INPP4A: variants seen among roughly 807,000 people sequenced by gnomAD.
INPP4A encodes the protein inositol polyphosphate-4-phosphatase type I A, also known as inositol polyphosphate-4-phosphatase, type I, 107kD.
In INPP4A, 33 loss-of-function variants were observed where a neutral mutation model predicts 119.8. That is an observed-to-expected ratio of 0.28 (90% CI 0.21 to 0.37). The LOEUF (loss-of-function observed/expected upper bound fraction) is 0.37, where lower values mean the gene tolerates loss of function less well. Ranked by LOEUF, INPP4A falls within the 10% of genes least tolerant of loss-of-function variation. The probability of loss-of-function intolerance (pLI) is 1.00; values close to 1 mark genes in which losing one functional copy is unlikely to be tolerated. For missense variants in INPP4A, 956 were observed against 1,289.9 expected (o/e 0.74, Z 3.97); for synonymous variants, 496 against 500.7 (o/e 0.99, Z 0.12).
chr2:98,449,013 CCTT>C (rs1441923493), intron 1 of INPP4A, among the ~76,000 whole-genome samples: 1 of 152,162 alleles, frequency 6.6e-6, no homozygotes. Context: ...AATGCTGCAG[CCTT>C]CTTAATGTAT....
Position 98,546,367 on chromosome 2 carries a change from G to T in INPP4A, c.1055-219G>T, listed in dbSNP as rs1692486441. Among the ~76,000 whole-genome samples the T allele has an allele frequency of 6.6e-6, 1 of 152,224 alleles. No homozygotes were observed. Among genetic ancestry groups the T allele is most frequent in the African/African-American group, 2.4e-5 (1 of 41,458 alleles). On this transcript the variant is annotated intron_variant, in intron 12 of 24. Coordinates refer to ENST00000409851, the MANE Select transcript of INPP4A (RefSeq NM_001134225.2). This position sits in a 1 kb window ranked among gnomAD's most constrained non-coding sequence, Gnocchi z 4.2. ...TACAGGGTGGCTTCCTGCAGCCCTT[G>T]TGGCTCCACTTGAAATGTTTTAAAC...
intron 4 of INPP4A, among the ~76,000 whole-genome samples, chr2:98,528,333 A>C (rs1057409761): frequency 3.9e-5 from 6 of 152,232 alleles, no homozygotes; most frequent in Admixed American, 2.6e-4. Flanking sequence ...AAGACAGGTC[A>C]ATTGAGATTA....
intron 4 of INPP4A, among the ~76,000 whole-genome samples, chr2:98,523,504 C>T (rs1687629769): frequency 6.6e-6 from 1 of 151,622 alleles, no homozygotes; most frequent in East Asian, 1.9e-4. Flanking sequence ...ATGTCATTCT[C>T]CTGCCTCAGC....
intron 24 of INPP4A, among the ~76,000 whole-genome samples, chr2:98,578,982 G>T (rs1033942491): frequency 1.9e-4 from 29 of 151,896 alleles, no homozygotes; most frequent in African/African-American, 7.0e-4. Context: ...ACAAACAAGT[G>T]TAATTATATT....
chr2:98,575,786 C>G (rs1284015662), intron 23 of INPP4A, among the ~76,000 whole-genome samples: 1 of 152,056 alleles, frequency 6.6e-6, no homozygotes, highest in African/African-American at 2.4e-5. Flanking sequence ...CAACAGATAC[C>G]CGGAGCCCAC....
At chr2:98,464,176 T>C (rs1236526762) in intron 1 of INPP4A, among the ~76,000 whole-genome samples, 8 of 152,116 alleles carry the variant, frequency 5.3e-5, no homozygotes, top group African/African-American at 1.7e-4. Context: ...CTTCAAATCT[T>C]GCACAGGCTG....
intron 10 of INPP4A, among the ~76,000 whole-genome samples, chr2:98,541,132 C>T (rs1369630381): frequency 1.3e-5 from 2 of 152,132 alleles, no homozygotes; most frequent in Non-Finnish European, 2.9e-5. Context: ...TTGAGACCAT[C>T]CTGACTAACA....
In INPP4A at chr2:98,477,185, C is replaced by A. The variant is rs141278892; in HGVS notation, c.-166+32100C>A. Among the ~76,000 whole-genome samples, 372 of 152,346 alleles carry A rather than the reference C, an allele frequency of 2.4e-3. 1 individual carries two copies. Among genetic ancestry groups the A allele is most frequent in the African/African-American group, 8.6e-3 (357 of 41,586 alleles). ...GAGCAGAAGGTGAAATGAGTTCTCC[C>A]TGGGGACGTGTAGCGTGGCGGGTGA... On this transcript the variant is annotated intron_variant, in intron 1 of 24. Coordinates refer to ENST00000409851, the MANE Select transcript of INPP4A (RefSeq NM_001134225.2).
chr2:98,590,896 A>T lies in INPP4A; in HGVS notation c.*3288A>T, dbSNP rs1575217268. The T allele has an allele frequency of 4.3e-6, 1 of 231,520 alleles. No individual in the cohort carries two copies. Among genetic ancestry groups the T allele is most frequent in the Middle Eastern group, 1.3e-3 (1 of 776 alleles). 14.3% of individuals were successfully genotyped at this position (231,520 alleles called of 1,614,324 possible). A position where few individuals can be genotyped will look rare whatever the true frequency, so the allele number is the denominator to read the frequency against. ...TGATGGTAGCAGTGCACCTCGTTTC[A>T]GTGTCCTGATTCCTTGATTACTGTG... On this transcript the variant is annotated 3_prime_UTR_variant, in exon 25 of 25. Coordinates refer to ENST00000409851, the MANE Select transcript of INPP4A (RefSeq NM_001134225.2).
chr2:98,474,229 G>A (rs1239273380), intron 1 of INPP4A, among the ~76,000 whole-genome samples: 1 of 152,154 alleles, frequency 6.6e-6, no homozygotes, highest in Non-Finnish European at 1.5e-5. Context: ...CCTCAAGAGC[G>A]GCCTGTGTGT....
intron 1 of INPP4A, among the ~76,000 whole-genome samples, chr2:98,488,822 G>A (rs1247514760): frequency 6.6e-6 from 1 of 152,116 alleles, no homozygotes; most frequent in Admixed American, 6.6e-5. Flanking sequence ...TGGTTCCTGC[G>A]GGCTGGAGGG....
At chr2:98,509,283 C>T (rs971137839) in intron 1 of INPP4A, among the ~76,000 whole-genome samples, 4 of 152,176 alleles carry the variant, frequency 2.6e-5, no homozygotes, top group African/African-American at 7.2e-5. Context: ...CAGCAGGAGG[C>T]GAGTGGCAGG....
At position 98,500,495 on chromosome 2, in the gene INPP4A, C is replaced by T. The variant is rs780741165; in HGVS notation, c.-165-18469C>T. Among the ~76,000 whole-genome samples, 100 of 152,276 alleles carry T rather than the reference C, an allele frequency of 6.6e-4. No individual in the cohort carries two copies. In the Middle Eastern group the frequency reaches 0.027, roughly 41 times the overall value. ...GTGAAAACATATGAATAAAGGAAGA[C>T]TTTATCCAGGACCATCACAATAGGT... is the stretch of plus-strand genomic sequence containing the variant. On this transcript the variant is annotated intron_variant, in intron 1 of 24. Transcript: ENST00000409851.
chr2:98,539,699 C>T lies in INPP4A; in HGVS notation c.818+24C>T, dbSNP rs192454928. 3.9e-5 allele frequency: 62 copies of T among 1,595,036 alleles called. 1 individual carries two copies. The East Asian group carries it at 7.2e-4, about 19-fold the overall frequency. On this transcript the variant is annotated intron_variant, in intron 10 of 24. Coordinates refer to ENST00000409851, the MANE Select transcript of INPP4A (RefSeq NM_001134225.2). ...AGGTGAGGCCACATGGAAGGACTGA[C>T]TGTCCATCATACCCATGTCATGTGC...
intron 23 of INPP4A, among the ~76,000 whole-genome samples, chr2:98,574,414 AG>A (rs1174020887): frequency 2.6e-5 from 4 of 152,020 alleles, no homozygotes; most frequent in African/African-American, 9.7e-5. Flanking sequence ...GAGGTAGGTG[AG>A]TCAGCTGAGG....
At chr2:98,461,857 G>A (rs552878751) in intron 1 of INPP4A, among the ~76,000 whole-genome samples, 2 of 152,336 alleles carry the variant, frequency 1.3e-5, no homozygotes, top group African/African-American at 4.8e-5. Context: ...CTGCTGCCAG[G>A]CTGTGCTGCA....
At position 98,537,873 on chromosome 2, in the gene INPP4A, A is replaced by G. The variant is rs1160946438; in HGVS notation, c.478A>G (p.Ser160Gly). The change falls in exon 8 of 25, where the codon AGT becomes GGT. Residue 160 changes from serine to glycine, a missense_variant. Transcript: ENST00000409851. ...TGTTGTGCATCACAGGTCTGCAGAGAGTGACCGTGTAGGTAACATCACCGT... is the reference window on the plus strand; with the variant it reads ...TGTTGTGCATCACAGGTCTGCAGAGGGTGACCGTGTAGGTAACATCACCGT... The part of the protein sequence containing the change: ...RLHLTLRSAE[S>G]DRVGNITVIG... 3 of 1,611,004 alleles carry G rather than the reference A, an allele frequency of 1.9e-6. No individual in the cohort carries two copies. The highest frequency in any genetic ancestry group is 1.1e-5 in the South Asian group (1 of 90,396).
intron 13 of INPP4A, among the ~76,000 whole-genome samples, chr2:98,552,169 A>G (rs1693651766): frequency 6.6e-6 from 1 of 152,192 alleles, no homozygotes; most frequent in South Asian, 2.1e-4. Flanking sequence ...ATTTGATGAA[A>G]CGTTATTTTT....
intron 1 of INPP4A, among the ~76,000 whole-genome samples, chr2:98,511,683 G>C (rs555030643): frequency 1.3e-5 from 2 of 152,270 alleles, no homozygotes; most frequent in South Asian, 4.1e-4. Flanking sequence ...GGGAGACTCT[G>C]AATTCCTTCC....
Sources: allele counts gnomAD v4.1 joint callset (sites outside exome capture counted in the v4.1 genomes callset), GRCh38; gene constraint gnomAD v4.1.1; non-coding constraint Gnocchi (gnomAD v3.1); transcripts MANE v1.5; gene names NCBI Gene and HGNC (gene_info 2026-07-23, HGNC 2026-07-21).